Variants in DOCK3 observed in about 807,000 individuals in gnomAD.
DOCK3 encodes the protein dedicator of cytokinesis protein 3.
In DOCK3, 60 loss-of-function variants were observed where a neutral mutation model predicts 265.6. The observed-to-expected ratio is 0.23, with a 90% confidence interval of 0.18 to 0.28. The LOEUF is 0.28. DOCK3 is among the 10% of genes least tolerant of loss of function. The pLI, the probability that DOCK3 is intolerant of heterozygous loss-of-function variation, is 1.00. For missense variants in DOCK3, 1,981 were observed against 2,594.3 expected (o/e 0.76, Z 5.14); for synonymous variants, 881 against 938.0 (o/e 0.94, Z 1.11).
rs113279562 is a variant in DOCK3 at position 51,370,382 on chromosome 3, G to A, written c.5294-4087G>A. Among the ~76,000 whole-genome samples, 491 of 152,280 alleles carry A rather than the reference G, an allele frequency of 3.2e-3. 5 individuals carry two copies. Among genetic ancestry groups the A allele is most frequent in the Non-Finnish European group, 4.9e-3 (336 of 68,024 alleles). ...ATCATGATGATTGATAAACACAGAA[G>A]GCAACCAAGGATGGACATTTGAACT... On this transcript the variant is annotated intron_variant, in intron 49 of 52. Coordinates refer to ENST00000266037, the MANE Select transcript of DOCK3 (RefSeq NM_004947.5).
At position 50,796,628 on chromosome 3, in the gene DOCK3, G is replaced by A. The variant is rs9808930; in HGVS notation, c.121+17870G>A. 2.8e-3 allele frequency among the ~76,000 whole-genome samples: 431 copies of A among 152,284 alleles called. 3 individuals are homozygous for A. The highest frequency in any genetic ancestry group is 9.9e-3 in the African/African-American group (411 of 41,556). ...GTTGGGATTACAGGCGTGAGCCACCGCGTCCAGCCAGTGTGGTTGTTTATA... is the reference window on the plus strand; with the variant it reads ...GTTGGGATTACAGGCGTGAGCCACCACGTCCAGCCAGTGTGGTTGTTTATA... On this transcript the variant is annotated intron_variant, in intron 2 of 52. Coordinates refer to ENST00000266037, the MANE Select transcript of DOCK3 (RefSeq NM_004947.5).
chr3:51,325,580 A>T (rs1258371007), intron 32 of DOCK3, among the ~76,000 whole-genome samples: 1 of 152,254 alleles, frequency 6.6e-6, no homozygotes, highest in African/African-American at 2.4e-5. Flanking sequence ...CCAAAGGATT[A>T]TAAATCATTC....
rs574404932 is a variant in DOCK3, at chr3:51,246,855, T to C, written c.2184+48T>C. ...CATAAGAGACCCACTCATGCAATTA[T>C]TTGTGAGTAATCTCAGTGATACAAT... On this transcript the variant is annotated intron_variant, in intron 22 of 52. Coordinates refer to ENST00000266037, the MANE Select transcript of DOCK3 (RefSeq NM_004947.5). 3.5e-5 allele frequency: 54 copies of C among 1,560,756 alleles called. No individual in the cohort carries two copies. The African/African-American group carries it at 6.1e-4, about 18-fold the overall frequency.
chr3:50,743,372 A>T (rs377409873), intron 1 of DOCK3, among the ~76,000 whole-genome samples: 5 of 151,884 alleles, frequency 3.3e-5, no homozygotes, highest in Non-Finnish European at 7.4e-5. Flanking sequence ...ATGGACTAAA[A>T]GCTCCAATTA....
rs1003242193 is a variant in DOCK3, at chr3:51,338,837, C to T, written c.3673-98C>T. ...TGTCTGCCTCCAGGGCCTGCCCTCC[C>T]CCTCCTGCCCAGCACACCCACGGCT... On this transcript the variant is annotated intron_variant, in intron 36 of 52. Coordinates refer to ENST00000266037, the MANE Select transcript of DOCK3 (RefSeq NM_004947.5). The T allele has an allele frequency of 1.5e-5, 15 of 1,013,038 alleles. No individual in the cohort carries two copies. The African/African-American group carries it at 2.2e-4, about 15-fold the overall frequency. The allele number at this position is 1,013,038 out of a possible 1,614,324, so 62.8% of individuals were successfully genotyped here.
rs772147382 is a variant in DOCK3 at position 50,934,111 on chromosome 3, A to G, written c.315+34A>G. On this transcript the variant is annotated intron_variant, in intron 5 of 52. Coordinates refer to ENST00000266037, the MANE Select transcript of DOCK3 (RefSeq NM_004947.5). ...TTGATTACTGGTTTATTGGATCATT[A>G]AAGTTTAGTGTACCAAGTAAAAATA... The G allele has an allele frequency of 2.7e-5, 39 of 1,456,170 alleles. No homozygotes were observed. The Middle Eastern group carries it at 5.3e-4, about 20-fold the overall frequency. The allele number at this position is 1,456,170 out of a possible 1,614,324, so 90.2% of individuals were successfully genotyped here.
At chr3:50,767,466 C>A (rs961895718) in intron 1 of DOCK3, among the ~76,000 whole-genome samples, 1 of 151,828 alleles carries the variant, frequency 6.6e-6, no homozygotes, top group African/African-American at 2.4e-5. Context: ...CTATTCTGTT[C>A]CATTGGTCTA....
At chr3:50,829,036 T>G (rs1279892157) in intron 2 of DOCK3, among the ~76,000 whole-genome samples, 1 of 152,170 alleles carries the variant, frequency 6.6e-6, no homozygotes, top group African/African-American at 2.4e-5. Context: ...CAATTATCTC[T>G]TTACCATGCT....
At chr3:50,850,847 T>A (rs2046326873) in intron 3 of DOCK3, among the ~76,000 whole-genome samples, 1 of 152,196 alleles carries the variant, frequency 6.6e-6, no homozygotes, top group African/African-American at 2.4e-5. Context: ...CACTTATAGG[T>A]AAGAGCCACC....
At chr3:50,886,209 T>TA (rs10689032) in intron 3 of DOCK3, among the ~76,000 whole-genome samples, 1 of 141,842 alleles carries the variant, frequency 7.1e-6, no homozygotes, top group Non-Finnish European at 1.6e-5. Flanking sequence ...TATATATATA[T>TA]TCCAGAGTTT....
At chr3:50,770,564 A>G (rs2041211853) in intron 1 of DOCK3, among the ~76,000 whole-genome samples, 1 of 152,152 alleles carries the variant, frequency 6.6e-6, no homozygotes, top group Non-Finnish European at 1.5e-5. Context: ...AACAGTGATG[A>G]CATTCTTCAC....
At chr3:51,107,672 C>T (rs566526700) in intron 9 of DOCK3, among the ~76,000 whole-genome samples, 7 of 152,218 alleles carry the variant, frequency 4.6e-5, no homozygotes, top group Non-Finnish European at 7.4e-5. Flanking sequence ...ACAAAACTTC[C>T]GATAAATATA....
At chr3:51,145,450 A>G (rs754863620) in intron 9 of DOCK3, among the ~76,000 whole-genome samples, 14 of 151,990 alleles carry the variant, frequency 9.2e-5, no homozygotes, top group African/African-American at 1.4e-4. Flanking sequence ...TCATTGTTCT[A>G]TTCCCACCTA....
chr3:50,948,556 C>T (rs893479312), intron 5 of DOCK3, among the ~76,000 whole-genome samples: 4 of 151,550 alleles, frequency 2.6e-5, no homozygotes, highest in African/African-American at 9.7e-5. Flanking sequence ...AAACCCGGCT[C>T]TTTTCTTTTC....
intron 1 of DOCK3, among the ~76,000 whole-genome samples, chr3:50,768,943 C>A (rs1559614953): frequency 6.6e-6 from 1 of 152,030 alleles, no homozygotes. Flanking sequence ...TAATTGCCAT[C>A]CTAACTGGGA....
intron 5 of DOCK3, among the ~76,000 whole-genome samples, chr3:51,023,653 TG>T (rs2079691966): frequency 6.6e-6 from 1 of 152,200 alleles, no homozygotes; most frequent in African/African-American, 2.4e-5. Context: ...TGACCTCAGC[TG>T]ATCTGCCCGC....
At chr3:51,347,380 A>G (rs923874704) in intron 38 of DOCK3, among the ~76,000 whole-genome samples, 4 of 152,158 alleles carry the variant, frequency 2.6e-5, no homozygotes, top group Non-Finnish European at 5.9e-5. Flanking sequence ...TCCCAGCACC[A>G]TTTATTAAAT....
intron 5 of DOCK3, among the ~76,000 whole-genome samples, chr3:51,001,860 T>C (rs2078494910): frequency 6.6e-6 from 1 of 152,178 alleles, no homozygotes; most frequent in Non-Finnish European, 1.5e-5. Context: ...CTCTCACTAT[T>C]GTTTTAATTT....
intron 5 of DOCK3, among the ~76,000 whole-genome samples, chr3:50,935,171 G>C (rs2051286981): frequency 6.6e-6 from 1 of 152,136 alleles, no homozygotes; most frequent in South Asian, 2.1e-4. Flanking sequence ...GTTCTCTCTA[G>C]CCAAAGGATA....
Sources: allele counts gnomAD v4.1 joint callset (sites outside exome capture counted in the v4.1 genomes callset), GRCh38; gene constraint gnomAD v4.1.1; transcripts MANE v1.5; gene names NCBI Gene and HGNC (gene_info 2026-07-23, HGNC 2026-07-21).